ADCY2: variants seen among roughly 807,000 people sequenced by gnomAD.
The protein encoded by ADCY2 is adenylate cyclase type 2.
ADCY2 carries 31 observed loss-of-function variants against 125.2 expected under a neutral mutation model. The observed-to-expected ratio is 0.25, with a 90% CI of 0.19 to 0.33. The LOEUF is 0.33. Among genes scored for constraint, ADCY2 ranks in the 10% least tolerant of loss-of-function variants. The pLI is 1.00. For synonymous variants in ADCY2, 512 were observed against 548.4 expected, an observed-to-expected ratio of 0.93 and a Z score of 0.93; for missense variants, 904 against 1,418.2, an observed-to-expected ratio of 0.64 and a Z score of 5.82.
At chr5:7,418,732 T>G (rs2126343549) in intron 2 of ADCY2, among the ~76,000 whole-genome samples, 1 of 135,492 alleles carries the variant, frequency 7.4e-6, no homozygotes, top group Non-Finnish European at 1.6e-5. Flanking sequence ...CTCGGCTCAC[T>G]ACAACCTCCG....
intron 2 of ADCY2, among the ~76,000 whole-genome samples, chr5:7,471,056 C>T (rs1206675873): frequency 3.3e-5 from 5 of 151,764 alleles, no homozygotes; most frequent in Non-Finnish European, 5.9e-5. Context: ...CCAAAATATA[C>T]TTTGTCTGAC....
rs566269685 is a variant in ADCY2, at chr5:7,703,485, C to A, written c.1110-3259C>A. 1.3e-4 allele frequency among the ~76,000 whole-genome samples: 20 copies of A among 152,016 alleles called. No individual in the cohort carries two copies. The South Asian group carries it at 4.2e-3, about 32-fold the overall frequency. ...AGCACCATTTATTAAATAGGGAATC[C>A]TTTCCCCATTTCTTGTTTTTGTCAG... On this transcript the variant is annotated intron_variant, in intron 7 of 24. Transcript: ENST00000338316.
intron 11 of ADCY2, among the ~76,000 whole-genome samples, chr5:7,714,405 G>A (rs545499461): frequency 2.0e-5 from 3 of 152,356 alleles, no homozygotes; most frequent in Admixed American, 6.5e-5. Context: ...AGCGTAAGCC[G>A]GGATGAGTGC....
intron 15 of ADCY2, among the ~76,000 whole-genome samples, chr5:7,747,263 T>G (rs765558563): frequency 1.3e-5 from 2 of 152,218 alleles, no homozygotes; most frequent in Non-Finnish European, 2.9e-5. Flanking sequence ...CAAGCCCTTC[T>G]TTTTACACCG....
chr5:7,822,640 C>T (rs541811274), intron 24 of ADCY2, among the ~76,000 whole-genome samples: 1 of 152,300 alleles, frequency 6.6e-6, no homozygotes, highest in East Asian at 1.9e-4. Flanking sequence ...GGAACACATA[C>T]ACCTGATTGT....
chr5:7,534,251 T>C (rs1320754712), intron 3 of ADCY2, among the ~76,000 whole-genome samples: 1 of 152,214 alleles, frequency 6.6e-6, no homozygotes, highest in Non-Finnish European at 1.5e-5. Flanking sequence ...TAGCTTTTGG[T>C]AGCCATCACA....
At chr5:7,786,730 T>C (rs1744096043) in intron 19 of ADCY2, among the ~76,000 whole-genome samples, 1 of 152,190 alleles carries the variant, frequency 6.6e-6, no homozygotes, top group Admixed American at 6.5e-5. Flanking sequence ...TGAGGTGGGA[T>C]ACATTTATAC....
At chr5:7,595,512 C>A (rs1181516348) in intron 3 of ADCY2, among the ~76,000 whole-genome samples, 1 of 152,092 alleles carries the variant, frequency 6.6e-6, no homozygotes, top group Non-Finnish European at 1.5e-5. Flanking sequence ...CTGTTATTTT[C>A]TTTTATCTCA....
At chr5:7,421,304 T>C (rs1445878795) in intron 2 of ADCY2, among the ~76,000 whole-genome samples, 4 of 152,224 alleles carry the variant, frequency 2.6e-5, no homozygotes, top group African/African-American at 9.6e-5. Context: ...TCTGCAGAAG[T>C]CTGAAATCAC....
intron 2 of ADCY2, among the ~76,000 whole-genome samples, chr5:7,472,325 T>C (rs1167745021): frequency 6.6e-6 from 1 of 152,182 alleles, no homozygotes; most frequent in Non-Finnish European, 1.5e-5. Context: ...ATCAAAGGCG[T>C]CTTAAACTCT....
rs1023314306 is a variant in ADCY2, at chr5:7,655,496, C to T, written c.720+29180C>T. Reference sequence around the variant, plus strand: ...AAAAAGACTGACGTTCCAGCTGAAGCCAGGAGGCTGGAAGCCAAAACAGGG... The same window carrying T: ...AAAAAGACTGACGTTCCAGCTGAAGTCAGGAGGCTGGAAGCCAAAACAGGG... On this transcript the variant is annotated intron_variant, in intron 4 of 24. Coordinates refer to ENST00000338316, the MANE Select transcript of ADCY2 (RefSeq NM_020546.3). Among the ~76,000 whole-genome samples the T allele has an allele frequency of 4.6e-5, 7 of 152,332 alleles. No individual in the cohort carries two copies. The South Asian group carries it at 6.2e-4, about 14-fold the overall frequency.
At chr5:7,825,909 C>T (rs1351893475) in intron 24 of ADCY2, among the ~76,000 whole-genome samples, 1 of 152,244 alleles carries the variant, frequency 6.6e-6, no homozygotes, top group East Asian at 1.9e-4. Context: ...CCAGCAAGTT[C>T]ACGGCCATCC....
At chr5:7,420,357 A>G (rs549688806) in intron 2 of ADCY2, among the ~76,000 whole-genome samples, 7 of 152,152 alleles carry the variant, frequency 4.6e-5, no homozygotes, top group Non-Finnish European at 8.8e-5. Context: ...TGATCAGGAA[A>G]GAGGAGTAAT....
At chr5:7,814,002 T>G (rs947679491) in intron 22 of ADCY2, among the ~76,000 whole-genome samples, 1 of 150,784 alleles carries the variant, frequency 6.6e-6, no homozygotes, top group Non-Finnish European at 1.5e-5. Context: ...CAAATCAGGT[T>G]TTCCCCATAA....
intron 12 of ADCY2, among the ~76,000 whole-genome samples, chr5:7,723,247 A>T (rs1741821591): frequency 6.6e-6 from 1 of 152,180 alleles, no homozygotes; most frequent in Admixed American, 6.5e-5. Flanking sequence ...AACCCCCATG[A>T]CACAAATTTT....
chr5:7,489,115 C>G (rs1023249994), intron 2 of ADCY2, among the ~76,000 whole-genome samples: 1 of 152,198 alleles, frequency 6.6e-6, no homozygotes, highest in African/African-American at 2.4e-5. Context: ...CTCTCCCACT[C>G]CCATTTCTAC....
intron 2 of ADCY2, among the ~76,000 whole-genome samples, chr5:7,452,668 A>G (rs1220364534): frequency 6.6e-6 from 1 of 152,136 alleles, no homozygotes; most frequent in African/African-American, 2.4e-5. Context: ...TCTTTGAGAA[A>G]TCTCCATATT....
At chr5:7,459,654 G>A (rs1292152054) in intron 2 of ADCY2, among the ~76,000 whole-genome samples, 2 of 150,530 alleles carry the variant, frequency 1.3e-5, no homozygotes, top group African/African-American at 4.9e-5. Flanking sequence ...TATAGTTATT[G>A]TTGTGTATAT....
chr5:7,745,817 G>A (rs1245211322), intron 15 of ADCY2, among the ~76,000 whole-genome samples: 1 of 152,176 alleles, frequency 6.6e-6, no homozygotes, highest in Non-Finnish European at 1.5e-5. Context: ...TCTTGGATAT[G>A]GGGGCATGTG....
Sources: allele counts gnomAD v4.1 joint callset (sites outside exome capture counted in the v4.1 genomes callset), GRCh38; gene constraint gnomAD v4.1.1; transcripts MANE v1.5; gene names NCBI Gene and HGNC (gene_info 2026-07-23, HGNC 2026-07-21).